The following UBXN7 variants were observed in gnomAD, a reference collection of about 807,000 sequenced individuals.
UBXN7 encodes the protein UBX domain-containing protein 7.
In UBXN7, 9 loss-of-function variants were observed where a neutral mutation model predicts 58.0. That is an observed-to-expected ratio of 0.16 (90% CI 0.09 to 0.27). UBXN7 has a LOEUF of 0.27. UBXN7 is among the 10% of genes least tolerant of loss of function. UBXN7 has a pLI of 1.00. For synonymous variants in UBXN7, 208 were observed against 205.0 expected, an observed-to-expected ratio of 1.01 and a Z score of -0.12; for missense variants, 328 against 599.6, an observed-to-expected ratio of 0.55 and a Z score of 4.73.
rs752828864 is a variant in UBXN7, at chr3:196,362,603, G to T, written c.919C>A (p.Gln307Lys). Residue 307 changes from glutamine (Q) to lysine (K), a missense_variant, in exon 9 of 11, where the codon CAG (glutamine) becomes AAG (lysine). Around this residue, in one of 4 missense-constraint regions of UBXN7, gnomAD observed 126 missense variants for 302.6 expected, o/e 0.42. Coordinates refer to ENST00000296328, the MANE Select transcript of UBXN7 (RefSeq NM_015562.2). The stretch of plus-strand genomic sequence containing the variant: ...TCTGAGCGGCTATCCTGTTTTGTCT[G>T]TGTTGAATCAAAATGTGTTTCTTGT... ...SLQETHFDSTQTKQDSRSDEE... is the reference protein window; with the variant it reads ...SLQETHFDSTKTKQDSRSDEE... 7.4e-6 allele frequency: 12 copies of T among 1,614,076 alleles called. No individual in the cohort carries two copies. Among genetic ancestry groups the T allele is most frequent in the Non-Finnish European group, 5.9e-6 (7 of 1,180,050 alleles).
At chr3:196,373,130 T>A (rs1728892664) in intron 5 of UBXN7, among the ~76,000 whole-genome samples, 3 of 152,254 alleles carry the variant, frequency 2.0e-5, no homozygotes, top group Admixed American at 2.0e-4. Context: ...GGAACATTTT[T>A]AAACATCATA....
intron 1 of UBXN7, chr3:196,423,442 G>A (rs1485476814): frequency 3.7e-6 from 1 of 273,566 alleles, no homozygotes; most frequent in Non-Finnish European, 7.6e-6. Flanking sequence ...TTGTGGCCTG[G>A]CCACTGTGCC....
intron 1 of UBXN7, among the ~76,000 whole-genome samples, chr3:196,419,066 G>C (rs1730593272): frequency 6.6e-6 from 1 of 152,152 alleles, no homozygotes; most frequent in South Asian, 2.1e-4. Context: ...AGGAGTTGGA[G>C]ACCAGCCTGG....
intron 5 of UBXN7, among the ~76,000 whole-genome samples, chr3:196,387,993 C>T (rs867309751): frequency 2.6e-5 from 4 of 151,984 alleles, no homozygotes; most frequent in South Asian, 2.1e-4. Flanking sequence ...CACATGCACA[C>T]GTATGTTTAT....
chr3:196,407,273 C>G lies in UBXN7; in HGVS notation c.194G>C (p.Ser65Thr). The change falls in exon 2 of 11, where the codon AGT (serine) becomes ACT (threonine). Residue 65 changes from serine (S) to threonine (T), a missense_variant. Coordinates refer to ENST00000296328, the MANE Select transcript of UBXN7 (RefSeq NM_015562.2). ...TGTGTGTGGTCTGACAGTAGAGACA[C>G]TTGCTGAACTGGTACTGGGCTCTTC... ...IAEEPSTSSASVSTVRPHTEE... is the reference protein window; with the variant it reads ...IAEEPSTSSATVSTVRPHTEE... The G allele has an allele frequency of 1.2e-6, 2 of 1,614,168 alleles. No individual in the cohort carries two copies. Among genetic ancestry groups the G allele is most frequent in the South Asian group, 1.1e-5 (1 of 91,080 alleles).
At chr3:196,394,811 G>C (rs770842225) in intron 3 of UBXN7, among the ~76,000 whole-genome samples, 1 of 152,108 alleles carries the variant, frequency 6.6e-6, no homozygotes, top group Non-Finnish European at 1.5e-5. Context: ...CCCACGTGCA[G>C]AACCATAAAG....
At chr3:196,413,237 C>G (rs1233736953) in intron 1 of UBXN7, among the ~76,000 whole-genome samples, 13 of 152,048 alleles carry the variant, frequency 8.5e-5, no homozygotes, top group Admixed American at 8.5e-4. Context: ...ACTGGGCAGG[C>G]TGAGGGAGGA....
At chr3:196,399,246 A>G (rs375498959) in intron 3 of UBXN7, among the ~76,000 whole-genome samples, 1 of 152,238 alleles carries the variant, frequency 6.6e-6, no homozygotes, top group Admixed American at 6.5e-5. Context: ...GATTTAATGA[A>G]ATTAATCATT....
chr3:196,401,794 AGAAAG>A (rs1338205262), intron 3 of UBXN7, among the ~76,000 whole-genome samples: 2 of 147,838 alleles, frequency 1.4e-5, no homozygotes, highest in Non-Finnish European at 3.0e-5. Flanking sequence ...AAAAAAGTAA[AGAAAG>A]GAAAGAAAGA....
chr3:196,417,539 A>C (rs1300035580), intron 1 of UBXN7, among the ~76,000 whole-genome samples: 2 of 151,882 alleles, frequency 1.3e-5, no homozygotes, highest in Middle Eastern at 3.4e-3. Context: ...GTAAGATACT[A>C]ATTTCTCTAG....
At chr3:196,414,283 C>A (rs984121671) in intron 1 of UBXN7, among the ~76,000 whole-genome samples, 1 of 152,156 alleles carries the variant, frequency 6.6e-6, no homozygotes, top group African/African-American at 2.4e-5. Flanking sequence ...GCCACTGCAC[C>A]CGGCCTTTTC....
chr3:196,420,255 G>C (rs1211264911), intron 1 of UBXN7, among the ~76,000 whole-genome samples: 1 of 152,030 alleles, frequency 6.6e-6, no homozygotes, highest in Non-Finnish European at 1.5e-5. Flanking sequence ...TTTTGGGACT[G>C]GGTGCAGTGT....
At chr3:196,407,918 T>C (rs1476656841) in intron 1 of UBXN7, among the ~76,000 whole-genome samples, 1 of 151,622 alleles carries the variant, frequency 6.6e-6, no homozygotes, top group Non-Finnish European at 1.5e-5. Context: ...ACCAACGTGG[T>C]GAAATGCCGT....
chr3:196,417,743 A>C (rs1368106291), intron 1 of UBXN7, among the ~76,000 whole-genome samples: 2 of 149,004 alleles, frequency 1.3e-5, no homozygotes, highest in African/African-American at 4.9e-5. Flanking sequence ...AAAAAAAAAA[A>C]AAAAAAAAAA....
chr3:196,375,183 CCACA>C (rs56188527), intron 5 of UBXN7, among the ~76,000 whole-genome samples: 4,757 of 139,754 alleles, frequency 0.034, 141 homozygotes, highest in Admixed American at 0.098. Flanking sequence ...GGTGCTCTTA[CCACA>C]CACACACACA....
At chr3:196,422,125 A>C (rs1730708365) in intron 1 of UBXN7, among the ~76,000 whole-genome samples, 1 of 151,458 alleles carries the variant, frequency 6.6e-6, no homozygotes, top group African/African-American at 2.4e-5. Flanking sequence ...GCTTGAACCC[A>C]GGAGACAGAG....
intron 1 of UBXN7, among the ~76,000 whole-genome samples, chr3:196,426,767 G>C (rs1331841232): frequency 6.6e-6 from 1 of 151,754 alleles, no homozygotes; most frequent in African/African-American, 2.4e-5. Context: ...AGAATCGCTT[G>C]AACCCGGGAG....
chr3:196,393,857 C>T (rs1283018955), intron 3 of UBXN7: 4 of 288,066 alleles, frequency 1.4e-5, no homozygotes, highest in Non-Finnish European at 2.7e-5. Flanking sequence ...TGGTGCCTTC[C>T]CTCAAAAAAT....
At chr3:196,371,622 C>T (rs1306241926) in intron 6 of UBXN7, among the ~76,000 whole-genome samples, 1 of 151,908 alleles carries the variant, frequency 6.6e-6, no homozygotes, top group Non-Finnish European at 1.5e-5. Flanking sequence ...GCTGGGATTA[C>T]AGGTGCCTGC....
Sources: allele counts gnomAD v4.1 joint callset (sites outside exome capture counted in the v4.1 genomes callset), GRCh38; gene constraint gnomAD v4.1.1; regional missense constraint gnomAD v4.1.1; transcripts MANE v1.5; gene names NCBI Gene and HGNC (gene_info 2026-07-23, HGNC 2026-07-21).